Variants in ITM2B observed in about 807,000 individuals in gnomAD.
ITM2B encodes ABri/ADan amyloid peptide.
A neutral mutation model predicts 27.8 loss-of-function variants in ITM2B; 11 were observed. The observed-to-expected ratio is 0.40, with a 90% CI of 0.25 to 0.66. The LOEUF is 0.66. ITM2B is among the 30% of genes least tolerant of loss of function. The probability of loss-of-function intolerance (pLI) is 0.43; values close to 1 mark genes in which losing one functional copy is unlikely to be tolerated. For synonymous variants in ITM2B, 114 were observed against 114.3 expected (o/e 1.00, Z 0.02); for missense variants, 296 against 328.9 (o/e 0.90, Z 0.77).
intron 3 of ITM2B, 29 bp from the exon 4 acceptor site, chr13:48,258,097 G>A: frequency 1.9e-6 from 2 of 1,072,308 alleles, no homozygotes; most frequent in Non-Finnish European, 2.9e-6. Flanking sequence ...AAGTATTACT[G>A]TAACTACACT....
chr13:48,245,910 C>T (rs925973311), intron 1 of ITM2B, among the ~76,000 whole-genome samples: 1 of 151,978 alleles, frequency 6.6e-6, no homozygotes, highest in Non-Finnish European at 1.5e-5. Context: ...TCCCGAGTAG[C>T]TGGGACTACA....
chr13:48,246,335 A>G (rs775285162), intron 1 of ITM2B, among the ~76,000 whole-genome samples: 3 of 152,240 alleles, frequency 2.0e-5, no homozygotes, highest in Non-Finnish European at 4.4e-5. Context: ...AACATTTATC[A>G]CGTGGACTTC....
At chr13:48,258,351 A>G in intron 4 of ITM2B, 115 bp downstream of exon 4, 1 of 722,860 alleles carries the variant, frequency 1.4e-6, no homozygotes, top group East Asian at 2.6e-5. Flanking sequence ...TAAGAATTTT[A>G]CAAAGAGGAA....
At chr13:48,249,329 TTTA>T (rs879675478) in intron 1 of ITM2B, among the ~76,000 whole-genome samples, 2 of 152,236 alleles carry the variant, frequency 1.3e-5, no homozygotes, top group African/African-American at 2.4e-5. Flanking sequence ...TTTGTTCCTT[TTTA>T]TTGCTATCTA....
intron 5 of ITM2B, among the ~76,000 whole-genome samples, chr13:48,260,777 T>A (rs1466783359): frequency 1.3e-5 from 2 of 152,196 alleles, no homozygotes; most frequent in Non-Finnish European, 2.9e-5. Context: ...AAGTCAGCCT[T>A]ACACGTGCCA....
intron 5 of ITM2B, among the ~76,000 whole-genome samples, chr13:48,259,904 G>A (rs1053890025): frequency 6.6e-6 from 1 of 151,766 alleles, no homozygotes; most frequent in African/African-American, 2.4e-5. Flanking sequence ...CAATATGCAG[G>A]TTTGTTACAT....
In ITM2B at chr13:48,268,458, C is replaced by T. The variant is rs189634944; in HGVS notation, c.*7234C>T. On this transcript the variant is annotated 3_prime_UTR_variant, in exon 6 of 6. Transcript: ENST00000647800. The stretch of plus-strand genomic sequence containing the variant: ...GCTAAGACTCTACAGGCGTATGCCA[C>T]CATACCTAGTTTGTTTTTGTTATTT... 1 of 152,084 alleles carries T rather than the reference C, an allele frequency of 6.6e-6. No homozygotes were observed. Among genetic ancestry groups the T allele is most frequent in the Non-Finnish European group, 1.5e-5 (1 of 68,014 alleles). 9.4% of individuals were successfully genotyped at this position (152,084 alleles called of 1,614,324 possible).
rs529078908 is a variant in ITM2B at position 48,264,382 on chromosome 13, G to A, written c.*3158G>A. The A allele has an allele frequency of 1.3e-5, 2 of 152,174 alleles. No homozygotes were observed. The highest frequency in any genetic ancestry group is 2.4e-5 in the African/African-American group (1 of 41,528). 9.4% of individuals were successfully genotyped at this position (152,174 alleles called of 1,614,324 possible). A position where few individuals can be genotyped will look rare whatever the true frequency, so the allele number is the denominator to read the frequency against. On this transcript the variant is annotated 3_prime_UTR_variant, in exon 6 of 6. Transcript: ENST00000647800. Reference sequence around the variant, plus strand: ...CAGTGTCCTAAATGTTGTTTATCTCGAATAATAGAAGTAGGAGTGTAAAAC... The same window carrying A: ...CAGTGTCCTAAATGTTGTTTATCTCAAATAATAGAAGTAGGAGTGTAAAAC...
At chr13:48,258,712 A>G (rs1359406824) in intron 4 of ITM2B, 85 bp from the exon 5 acceptor site, 1 of 1,242,890 alleles carries the variant, frequency 8.0e-7, no homozygotes, top group Non-Finnish European at 1.2e-6. Context: ...CCATACCATA[A>G]TGTGTAAGAA....
intron 1 of ITM2B, among the ~76,000 whole-genome samples, chr13:48,252,190 G>A (rs766637832): frequency 2.6e-5 from 4 of 152,028 alleles, no homozygotes; most frequent in Non-Finnish European, 5.9e-5. Context: ...TCAACATCTG[G>A]GATTAGACCT....
chr13:48,258,480 T>C (rs1490325512), intron 4 of ITM2B, among the ~76,000 whole-genome samples: 1 of 152,200 alleles, frequency 6.6e-6, no homozygotes, highest in Non-Finnish European at 1.5e-5. Context: ...ACTACTTAAT[T>C]CTGGTGCCAT....
In ITM2B at chr13:48,262,677, C is replaced by T. The variant is rs1279998873; in HGVS notation, c.*1453C>T. 1 of 152,052 alleles carries T rather than the reference C, an allele frequency of 6.6e-6. No homozygotes were observed. The highest frequency in any genetic ancestry group is 1.5e-5 in the Non-Finnish European group (1 of 68,024). 9.4% of individuals were successfully genotyped at this position (152,052 alleles called of 1,614,324 possible). A position where few individuals can be genotyped will look rare whatever the true frequency, so the allele number is the denominator to read the frequency against. The stretch of plus-strand genomic sequence containing the variant: ...ATATGATATTGTGTTGAAGATATAT[C>T]TGCAAAGAAGAAAAAAAGCCACTGC... On this transcript the variant is annotated 3_prime_UTR_variant, in exon 6 of 6. Coordinates refer to ENST00000647800, the MANE Select transcript of ITM2B (RefSeq NM_021999.5).
At position 48,250,140 on chromosome 13, in the gene ITM2B, A is replaced by G. The variant is rs190071956; in HGVS notation, c.118-3668A>G. On this transcript the variant is annotated intron_variant, in intron 1 of 5. Coordinates refer to ENST00000647800, the MANE Select transcript of ITM2B (RefSeq NM_021999.5). ...TTTGATTTCCCACAGGATCTAGCAC[A>G]GTATATTGCAAATAGCAAGCCTTAC... is the stretch of plus-strand genomic sequence containing the variant. Among the ~76,000 whole-genome samples, 503 of 152,334 alleles carry G rather than the reference A, an allele frequency of 3.3e-3. 3 individuals carry two copies. The highest frequency in any genetic ancestry group is 0.014 in the Middle Eastern group (4 of 294).
At chr13:48,247,819 T>C (rs775165543) in intron 1 of ITM2B, among the ~76,000 whole-genome samples, 5 of 152,226 alleles carry the variant, frequency 3.3e-5, no homozygotes, top group Non-Finnish European at 7.3e-5. Flanking sequence ...AGCCAGGTCT[T>C]TCTATATCTA....
rs867626030 is a variant in ITM2B, at chr13:48,256,496, A to T, written c.453+113A>T. 2.6e-5 allele frequency: 23 copies of T among 876,784 alleles called. No homozygotes were observed. The Middle Eastern group carries it at 6.8e-4, about 26-fold the overall frequency. 54.3% of individuals were successfully genotyped at this position (876,784 alleles called of 1,614,324 possible). ...TTATATTTAGAGTTTAGTTTAATAA[A>T]CTGTCAGCATTTGGTGGGCTCTGCT... On this transcript the variant is annotated intron_variant, in intron 3 of 5. Coordinates refer to ENST00000647800, the MANE Select transcript of ITM2B (RefSeq NM_021999.5).
Position 48,233,317 on chromosome 13 carries a change from C to T in ITM2B, c.-44C>T, listed in dbSNP as rs1478345867. ...CGCAGCCGGGAGCCCGCAGCCCGCG[C>T]CCCGAGCCCGCCGCCGCCCTTCGAG... is the stretch of plus-strand genomic sequence containing the variant. On this transcript the variant is annotated 5_prime_UTR_variant, in exon 1 of 6. Transcript: ENST00000647800. The T allele has an allele frequency of 2.3e-6, 3 of 1,326,870 alleles. No homozygotes were observed. Among genetic ancestry groups the T allele is most frequent in the Non-Finnish European group, 1.0e-6 (1 of 963,740 alleles). The allele number at this position is 1,326,870 out of a possible 1,614,324, so 82.2% of individuals were successfully genotyped here.
At chr13:48,256,491 A>G in intron 3 of ITM2B, 108 bp downstream of exon 3, 1 of 916,810 alleles carries the variant, frequency 1.1e-6, no homozygotes, top group Non-Finnish European at 1.7e-6. Context: ...AGTTTAGTTT[A>G]ATAAACTGTC....
At position 48,267,666 on chromosome 13, in the gene ITM2B, C is replaced by A. The variant is rs1431530925; in HGVS notation, c.*6442C>A. 2.0e-5 allele frequency: 3 copies of A among 152,172 alleles called. No individual in the cohort carries two copies. Among genetic ancestry groups the A allele is most frequent in the Non-Finnish European group, 4.4e-5 (3 of 68,024 alleles). The allele number at this position is 152,172 out of a possible 1,614,324, so 9.4% of individuals were successfully genotyped here. On this transcript the variant is annotated 3_prime_UTR_variant, in exon 6 of 6. Coordinates refer to ENST00000647800, the MANE Select transcript of ITM2B (RefSeq NM_021999.5). ...TGCTGTTAAAAGCATTATGTCATAT[C>A]TAGTACTTCTTATCTAAGTATTTTA...
chr13:48,245,470 C>G (rs938908840), intron 1 of ITM2B, among the ~76,000 whole-genome samples: 3 of 151,520 alleles, frequency 2.0e-5, no homozygotes, highest in African/African-American at 7.3e-5. Flanking sequence ...TTGCACTAAT[C>G]TGCTTGTCTC....
Sources: allele counts gnomAD v4.1 joint callset (sites outside exome capture counted in the v4.1 genomes callset), GRCh38; gene constraint gnomAD v4.1.1; transcripts MANE v1.5; gene names NCBI Gene and HGNC (gene_info 2026-07-23, HGNC 2026-07-21).